The following SPMAP2L variants were observed in gnomAD, a reference collection of about 807,000 sequenced individuals.
SPMAP2L encodes sperm microtubule associated protein 2-like.
chr4:56,607,258 C>G, the SPMAP2L span, among the ~76,000 whole-genome samples: 1 of 152,114 alleles, frequency 6.6e-6, no homozygotes, highest in African/African-American at 2.4e-5. Context: ...TGAGTTCATC[C>G]CTTTTCTCTT....
chr4:56,606,803 T>C, the SPMAP2L span, among the ~76,000 whole-genome samples: 1 of 152,154 alleles, frequency 6.6e-6, no homozygotes, highest in South Asian at 2.1e-4. Context: ...AATTTAAGCA[T>C]GGGGTGATGT....
chr4:56,573,018 A>G, the SPMAP2L span, among the ~76,000 whole-genome samples: 245 of 110,422 alleles, frequency 2.2e-3, 2 homozygotes, highest in African/African-American at 9.9e-3. Flanking sequence ...TCTATCTCCA[A>G]AAAAAAAAAA....
chr4:56,558,080 C>T, the SPMAP2L span, among the ~76,000 whole-genome samples: 1 of 151,974 alleles, frequency 6.6e-6, no homozygotes, highest in Non-Finnish European at 1.5e-5. Context: ...GTGATTCTTC[C>T]ACCTCAGCCT....
the SPMAP2L span, among the ~76,000 whole-genome samples, chr4:56,562,448 G>A: frequency 6.6e-6 from 1 of 150,808 alleles, no homozygotes; most frequent in Non-Finnish European, 1.5e-5. Context: ...TTTAAAATGT[G>A]TTCCCCAGAC....
chr4:56,584,323 C>G, the SPMAP2L span, among the ~76,000 whole-genome samples: 1 of 151,862 alleles, frequency 6.6e-6, no homozygotes, highest in Non-Finnish European at 1.5e-5. Context: ...TGGATCATAG[C>G]AAAAAAATTT....
chr4:56,595,070 G>C, the SPMAP2L span: 1 of 1,610,734 alleles, frequency 6.2e-7, no homozygotes. Flanking sequence ...GCGGCCCCAT[G>C]GGGCTCCAGT....
the SPMAP2L span, chr4:56,531,063 G>A: frequency 3.9e-6 from 6 of 1,535,470 alleles, no homozygotes; most frequent in South Asian, 4.8e-5. Context: ...AGCCCCGCAA[G>A]TCCCGCGAGG....
chr4:56,539,851 C>T, the SPMAP2L span, among the ~76,000 whole-genome samples: 4 of 152,226 alleles, frequency 2.6e-5, no homozygotes, highest in African/African-American at 9.6e-5. Context: ...CCAGCCACAT[C>T]ACACTGATTT....
At chr4:56,618,406 G>A in the SPMAP2L span, among the ~76,000 whole-genome samples, 1 of 152,184 alleles carries the variant, frequency 6.6e-6, no homozygotes, top group Admixed American at 6.5e-5. Flanking sequence ...TGCTAATGAA[G>A]ACATACCCAA....
chr4:56,614,225 A>C, the SPMAP2L span, among the ~76,000 whole-genome samples: 2 of 152,240 alleles, frequency 1.3e-5, no homozygotes, highest in Non-Finnish European at 1.5e-5. Flanking sequence ...GAATACTTTC[A>C]GGATAGTAAC....
At chr4:56,603,399 G>C in the SPMAP2L span, 3 of 1,056,116 alleles carry the variant, frequency 2.8e-6, no homozygotes, top group Non-Finnish European at 3.9e-6. Flanking sequence ...CCCTGTTGCG[G>C]TACTGTCAGT....
chr4:56,553,496 TG>T, the SPMAP2L span, among the ~76,000 whole-genome samples: 1 of 88,336 alleles, frequency 1.1e-5, no homozygotes, highest in Admixed American at 1.1e-4. Context: ...CCTGTCCTAT[TG>T]CTTTTTTTTT....
At chr4:56,564,189 A>C in the SPMAP2L span, among the ~76,000 whole-genome samples, 1 of 148,628 alleles carries the variant, frequency 6.7e-6, no homozygotes, top group Non-Finnish European at 1.5e-5. Context: ...ACTGGAGTGC[A>C]GTGGCATGAT....
At chr4:56,617,251 GGTAA>G in the SPMAP2L span, among the ~76,000 whole-genome samples, 4 of 151,988 alleles carry the variant, frequency 2.6e-5, no homozygotes, top group African/African-American at 9.7e-5. Flanking sequence ...TTAACACAAT[GGTAA>G]GTATTTGTGT....
the SPMAP2L span, among the ~76,000 whole-genome samples, chr4:56,561,574 C>T: frequency 0.011 from 1,633 of 152,190 alleles, 34 homozygotes; most frequent in African/African-American, 0.038. Context: ...CTCATGGGCA[C>T]ATTCCTGTTA....
chr4:56,615,550 C>T, the SPMAP2L span, among the ~76,000 whole-genome samples: 7 of 152,052 alleles, frequency 4.6e-5, no homozygotes, highest in Admixed American at 2.6e-4. Context: ...AGTTCAAGAC[C>T]GGCCTGGTCA....
chr4:56,551,834 G>A, the SPMAP2L span, among the ~76,000 whole-genome samples: 6 of 152,108 alleles, frequency 3.9e-5, no homozygotes, highest in East Asian at 9.6e-4. Context: ...GAATTGATTG[G>A]CCCTCCTCTA....
the SPMAP2L span, among the ~76,000 whole-genome samples, chr4:56,537,882 A>G: frequency 2.0e-5 from 3 of 151,884 alleles, no homozygotes; most frequent in Non-Finnish European, 4.4e-5. Context: ...TTTAGTAGAG[A>G]CGGGGTTTCA....
chr4:56,601,131 G>T, the SPMAP2L span: 1 of 1,527,794 alleles, frequency 6.5e-7, no homozygotes, highest in Non-Finnish European at 8.8e-7. Context: ...TCAGGCTAAA[G>T]TGGGACAGGA....
Sources: allele counts gnomAD v4.1 joint callset (sites outside exome capture counted in the v4.1 genomes callset), GRCh38; gene constraint gnomAD v4.1.1; transcripts MANE v1.5; gene names NCBI Gene and HGNC (gene_info 2026-07-23, HGNC 2026-07-21).